The following PBX1 variants were observed in gnomAD, a reference collection of about 807,000 sequenced individuals.
PBX1 encodes pre-B-cell leukemia transcription factor 1.
In PBX1, 6 loss-of-function variants were observed where a neutral mutation model predicts 53.4. The observed-to-expected ratio is 0.11, with a 90% confidence interval of 0.06 to 0.22. PBX1 has a LOEUF of 0.22. PBX1 is among the 10% of genes least tolerant of loss of function. PBX1 has a pLI of 1.00. For missense variants in PBX1, 251 were observed against 551.4 expected (o/e 0.46, Z 5.46); for synonymous variants, 204 against 212.3 (o/e 0.96, Z 0.34).
At chr1:164,585,020 A>G (rs780916292) in intron 2 of PBX1, among the ~76,000 whole-genome samples, 1 of 152,224 alleles carries the variant, frequency 6.6e-6, no homozygotes, top group Non-Finnish European at 1.5e-5. Flanking sequence ...GCTAGTAATA[A>G]TAATAGTAAT....
At position 164,847,230 on chromosome 1, in the gene PBX1, CTCT is replaced by C. The variant is rs1442520970; in HGVS notation, c.*557_*559del. The C allele has an allele frequency of 9.3e-7, 1 of 1,073,820 alleles. No individual in the cohort carries two copies. Among genetic ancestry groups the C allele is most frequent in the Non-Finnish European group, 1.1e-6 (1 of 883,680 alleles). The allele number at this position is 1,073,820 out of a possible 1,614,324, so 66.5% of individuals were successfully genotyped here. ...TTCCAGGCCTCCCTGCTTCCTCTTG[CTCT>C]TCCTCCCTGGGGACAGTACTGATTG... is the stretch of plus-strand genomic sequence containing the variant. On this transcript the variant is annotated 3_prime_UTR_variant, in exon 9 of 9. Coordinates refer to ENST00000420696, the MANE Select transcript of PBX1 (RefSeq NM_002585.4).
chr1:164,861,113 G>T (rs534410111), intron 2 of PBX1, among the ~76,000 whole-genome samples: 3 of 151,984 alleles, frequency 2.0e-5, no homozygotes, highest in African/African-American at 7.2e-5. Flanking sequence ...AAGGAAAAGA[G>T]GGAGAGATTG....
At chr1:164,793,127 G>C (rs1668604078) in intron 3 of PBX1, among the ~76,000 whole-genome samples, 1 of 152,154 alleles carries the variant, frequency 6.6e-6, no homozygotes, top group African/African-American at 2.4e-5. Context: ...AAGAAGGTGG[G>C]AGGTTTTCTC....
intron 2 of PBX1, among the ~76,000 whole-genome samples, chr1:164,578,017 G>A (rs1654375189): frequency 6.6e-6 from 1 of 152,140 alleles, no homozygotes; most frequent in African/African-American, 2.4e-5. Context: ...GCTTCCTTCT[G>A]CTCCTGATTT....
At chr1:164,817,812 A>G (rs780502377) in intron 6 of PBX1, 17 of 152,180 alleles carry the variant, frequency 1.1e-4, no homozygotes, top group Admixed American at 6.5e-4. Flanking sequence ...CTAAGTTTGT[A>G]TACTAATTTC....
rs79065846 is a variant in PBX1 at position 164,576,456 on chromosome 1, C to T, written c.265+13145C>T. Among the ~76,000 whole-genome samples, 720 of 152,324 alleles carry T rather than the reference C, an allele frequency of 4.7e-3. 9 individuals are homozygous for T. The highest frequency in any genetic ancestry group is 0.016 in the African/African-American group (671 of 41,580). On this transcript the variant is annotated intron_variant, in intron 2 of 8. Coordinates refer to ENST00000420696, the MANE Select transcript of PBX1 (RefSeq NM_002585.4). ...GCACCCTGCGCCTTGCACCGGCTCC[C>T]TCTCCCGTTCGGGCGTGCGGCCCCC...
At chr1:164,754,408 G>T (rs1020385223) in intron 2 of PBX1, among the ~76,000 whole-genome samples, 5 of 152,226 alleles carry the variant, frequency 3.3e-5, no homozygotes, top group Admixed American at 1.3e-4. Flanking sequence ...CAACTCGCTT[G>T]TCTTACCATA....
chr1:164,794,732 A>C (rs1379996424), intron 3 of PBX1, among the ~76,000 whole-genome samples: 1 of 152,182 alleles, frequency 6.6e-6, no homozygotes, highest in Non-Finnish European at 1.5e-5. Flanking sequence ...GACCTCTTGG[A>C]TTCTTATTAC....
intron 2 of PBX1, among the ~76,000 whole-genome samples, chr1:164,668,859 T>A (rs1660962965): frequency 6.6e-6 from 1 of 152,232 alleles, no homozygotes; most frequent in African/African-American, 2.4e-5. Flanking sequence ...TTGCGGAATC[T>A]GCGGAGTAAT....
chr1:164,821,737 C>T (rs967603982), intron 8 of PBX1, 111 bp downstream of exon 8: 117 of 794,790 alleles, frequency 1.5e-4, no homozygotes, highest in Middle Eastern at 2.3e-4. Context: ...CTTAGCTTTA[C>T]GGTCACCTAG....
intron 2 of PBX1, among the ~76,000 whole-genome samples, chr1:164,576,384 A>G (rs1419826238): frequency 3.3e-5 from 5 of 152,174 alleles, no homozygotes; most frequent in Admixed American, 2.0e-4. Flanking sequence ...GCGCCCGGCC[A>G]CTGCCCGGTC....
At chr1:164,583,600 AG>A (rs1466202521) in intron 2 of PBX1, among the ~76,000 whole-genome samples, 3 of 152,234 alleles carry the variant, frequency 2.0e-5, no homozygotes, top group African/African-American at 7.2e-5. Context: ...TAAGAAGGCC[AG>A]GAGGGACAGT....
chr1:164,706,279 C>T (rs1003713586), intron 2 of PBX1, among the ~76,000 whole-genome samples: 1 of 152,074 alleles, frequency 6.6e-6, no homozygotes, highest in African/African-American at 2.4e-5. Context: ...TTTTGTGTTT[C>T]CTTTTAGACC....
chr1:164,803,965 A>G (rs961737244), intron 4 of PBX1, among the ~76,000 whole-genome samples: 2 of 152,212 alleles, frequency 1.3e-5, no homozygotes, highest in Non-Finnish European at 2.9e-5. Context: ...GGCATATAAT[A>G]TTCACATCAT....
chr1:164,686,911 C>T (rs540738618), intron 2 of PBX1, among the ~76,000 whole-genome samples: 7 of 151,400 alleles, frequency 4.6e-5, no homozygotes, highest in East Asian at 3.9e-4. Context: ...AAGCAGAGAT[C>T]GTGCCACTGC....
At chr1:164,632,651 G>A (rs950870803) in intron 2 of PBX1, among the ~76,000 whole-genome samples, 3 of 152,084 alleles carry the variant, frequency 2.0e-5, no homozygotes, top group Admixed American at 2.0e-4. Flanking sequence ...TTTCTCAATT[G>A]GTGGCTTTAT....
At chr1:164,609,005 A>T (rs2800789) in intron 2 of PBX1, among the ~76,000 whole-genome samples, 1 of 151,290 alleles carries the variant, frequency 6.6e-6, no homozygotes, top group African/African-American at 2.4e-5. Context: ...GTCTCTTTGG[A>T]GCTCCACTGT....
intron 2 of PBX1, among the ~76,000 whole-genome samples, chr1:164,729,928 C>G (rs1664893455): frequency 6.6e-6 from 1 of 152,218 alleles, no homozygotes; most frequent in African/African-American, 2.4e-5. Context: ...CTCATTTAAT[C>G]TTCCCAATAA....
chr1:164,823,110 C>CA (rs1172939132), intron 8 of PBX1, among the ~76,000 whole-genome samples: 1 of 152,164 alleles, frequency 6.6e-6, no homozygotes, highest in Non-Finnish European at 1.5e-5. Context: ...GGAGAGAAGT[C>CA]AAAGTTAACC....
Sources: gnomAD v4.1 joint callset for allele counts (sites outside exome capture counted in the v4.1 genomes callset) on GRCh38, gnomAD v4.1.1 for gene constraint, MANE v1.5 for transcripts, NCBI Gene and HGNC (gene_info 2026-07-23, HGNC 2026-07-21) for gene names.